RASA1: variants seen among roughly 807,000 people sequenced by gnomAD.
The protein encoded by RASA1 is RAS p21 protein activator 1, also known as ras GTPase-activating protein 1.
RASA1 carries 25 observed loss-of-function variants against 132.2 expected under a neutral mutation model. That is an observed-to-expected ratio of 0.19 (90% CI 0.14 to 0.26). The LOEUF is 0.26. RASA1 is among the 10% of genes least tolerant of loss of function. The pLI is 1.00. For synonymous variants in RASA1, 477 were observed against 449.9 expected (o/e 1.06, Z -0.76); for missense variants, 964 against 1,299.2 (o/e 0.74, Z 3.97).
intron 23 of RASA1, 113 bp from the exon 24 acceptor site, chr5:87,389,280 G>A (rs972491320): frequency 5.7e-6 from 8 of 1,391,936 alleles, no homozygotes; most frequent in African/African-American, 4.3e-5. Flanking sequence ...GCAGTGAGCC[G>A]AGATCATGCC....
chr5:87,282,143 CTG>C (rs1445939655), intron 1 of RASA1, among the ~76,000 whole-genome samples: 2 of 151,784 alleles, frequency 1.3e-5, no homozygotes, highest in African/African-American at 4.8e-5. Flanking sequence ...GAAGGATAGT[CTG>C]TTGTTTTTAT....
chr5:87,352,371 AGT>A (rs1410338061), intron 8 of RASA1, among the ~76,000 whole-genome samples: 1 of 151,630 alleles, frequency 6.6e-6, no homozygotes, highest in African/African-American at 2.4e-5. Flanking sequence ...TGTCTGGAGA[AGT>A]GTTTCCTAGG....
chr5:87,342,706 G>A (rs1381207517), intron 6 of RASA1, among the ~76,000 whole-genome samples: 1 of 152,152 alleles, frequency 6.6e-6, no homozygotes, highest in Non-Finnish European at 1.5e-5. Context: ...GTGGGAAGTA[G>A]AAAACTAGAA....
chr5:87,284,738 TTAA>T (rs1175603460), intron 1 of RASA1, among the ~76,000 whole-genome samples: 1 of 152,192 alleles, frequency 6.6e-6, no homozygotes, highest in Non-Finnish European at 1.5e-5. Flanking sequence ...ATAAATCTGA[TTAA>T]TTTCTCAGGG....
intron 1 of RASA1, among the ~76,000 whole-genome samples, chr5:87,307,462 AAAC>A (rs139386250): frequency 0.61 from 91,602 of 150,950 alleles, 28,112 homozygotes; most frequent in African/African-American, 0.72. Flanking sequence ...CTCTGTCTCA[AAAC>A]AACAACAACA....
intron 1 of RASA1, among the ~76,000 whole-genome samples, chr5:87,292,089 T>C (rs1754933405): frequency 6.6e-6 from 1 of 152,234 alleles, no homozygotes; most frequent in African/African-American, 2.4e-5. Context: ...GATGTGTCTT[T>C]TGAAAATATT....
intron 1 of RASA1, among the ~76,000 whole-genome samples, chr5:87,281,015 T>C (rs571415444): frequency 1.3e-5 from 2 of 152,278 alleles, no homozygotes; most frequent in African/African-American, 4.8e-5. Flanking sequence ...TTTGGGTTGC[T>C]TGCATCTTTT....
At chr5:87,320,150 G>A (rs974931172) in intron 1 of RASA1, among the ~76,000 whole-genome samples, 3 of 152,120 alleles carry the variant, frequency 2.0e-5, no homozygotes, top group African/African-American at 7.2e-5. Context: ...GACCACATCA[G>A]CCTGGATTTT....
At position 87,374,165 on chromosome 5, in the gene RASA1, C is replaced by A; in HGVS notation, c.1779C>A (p.Val593=). 6.9e-7 allele frequency: 1 copy of A among 1,459,564 alleles called. No homozygotes were observed. The highest frequency in any genetic ancestry group is 9.1e-7 in the Non-Finnish European group (1 of 1,100,708). The allele number at this position is 1,459,564 out of a possible 1,614,324, so 90.4% of individuals were successfully genotyped here. A position where few individuals can be genotyped will look rare whatever the true frequency, so the allele number is the denominator to read the frequency against. Residue 593 remains valine (V), a splice_region_variant and synonymous_variant, in exon 14 of 25, where the codon GTC becomes GTA. Transcript: ENST00000274376. The part of the protein sequence containing the change: ...PGTSNKRLRQ[V]SSLVLHIEEA... ...TATATATATTTTTTTTTTTTTAGGTCAGCAGCCTTGTTTTACATATTGAAG... is the reference window on the plus strand; with the variant it reads ...TATATATATTTTTTTTTTTTTAGGTAAGCAGCCTTGTTTTACATATTGAAG...
At chr5:87,281,247 T>C (rs1198413336) in intron 1 of RASA1, among the ~76,000 whole-genome samples, 1 of 151,662 alleles carries the variant, frequency 6.6e-6, no homozygotes, top group Non-Finnish European at 1.5e-5. Flanking sequence ...CCAACACTTT[T>C]TTTTTTTTTT....
rs1345716898 is a variant in RASA1 at position 87,337,856 on chromosome 5, C to CT, written c.900-117dup. On this transcript the variant is annotated intron_variant, in intron 4 of 24. Transcript: ENST00000274376. ...GGATACAAATTTAGGGTGTTTGACT[C>CT]TAATTCCTTACATTTTTCAATATAA... 18 of 1,121,572 alleles carry CT rather than the reference C, an allele frequency of 1.6e-5. No individual in the cohort carries two copies. The African/African-American group carries it at 2.7e-4, about 17-fold the overall frequency. The allele number at this position is 1,121,572 out of a possible 1,614,324, so 69.5% of individuals were successfully genotyped here. A position where few individuals can be genotyped will look rare whatever the true frequency, so the allele number is the denominator to read the frequency against.
At chr5:87,361,450 A>G (rs998411776) in intron 9 of RASA1, among the ~76,000 whole-genome samples, 1 of 152,228 alleles carries the variant, frequency 6.6e-6, no homozygotes, top group Non-Finnish European at 1.5e-5. Flanking sequence ...TAGATTTATA[A>G]GAGGATTGAA....
At chr5:87,320,386 A>G (rs1756697293) in intron 1 of RASA1, among the ~76,000 whole-genome samples, 1 of 152,210 alleles carries the variant, frequency 6.6e-6, no homozygotes, top group African/African-American at 2.4e-5. Flanking sequence ...ATACTGCTAC[A>G]AAGAACTACC....
At chr5:87,387,408 T>A (rs1762137240) in intron 23 of RASA1, among the ~76,000 whole-genome samples, 1 of 151,188 alleles carries the variant, frequency 6.6e-6, no homozygotes, top group Non-Finnish European at 1.5e-5. Flanking sequence ...TAAAATAAAT[T>A]GTGATTACAA....
chr5:87,328,543 C>T (rs1177125726), intron 1 of RASA1, among the ~76,000 whole-genome samples: 1 of 152,086 alleles, frequency 6.6e-6, no homozygotes, highest in Admixed American at 6.5e-5. Context: ...CCAAAGTGTT[C>T]ACTCTTGGGA....
At chr5:87,366,313 A>G (rs1194346490) in intron 11 of RASA1, 6 of 371,836 alleles carry the variant, frequency 1.6e-5, no homozygotes, top group Non-Finnish European at 3.3e-5. Context: ...GATTGAAGAA[A>G]AGCTTTAGCA....
At chr5:87,386,567 A>ACTC (rs774119439) in intron 22 of RASA1, among the ~76,000 whole-genome samples, 1 of 151,570 alleles carries the variant, frequency 6.6e-6, no homozygotes. Context: ...AAATACCCAT[A>ACTC]CTCCTCAGTA....
chr5:87,380,681 T>C, intron 20 of RASA1, 86 bp downstream of exon 20: 1 of 1,242,662 alleles, frequency 8.0e-7, no homozygotes, highest in East Asian at 2.3e-5. Context: ...TACAATTCAA[T>C]GCTTTTTTCT....
chr5:87,320,573 C>A lies in RASA1; in HGVS notation c.540-10775C>A, dbSNP rs1476779231. Among the ~76,000 whole-genome samples, 3 of 152,150 alleles carry A rather than the reference C, an allele frequency of 2.0e-5. No homozygotes were observed. In the East Asian group the frequency reaches 5.8e-4, roughly 29 times the overall value. On this transcript the variant is annotated intron_variant, in intron 1 of 24. Transcript: ENST00000274376. ...GAGAGAGTAAAGTGGGGAAGCGCCA[C>A]ACACTTTTAAACCATCAGATCTTGC...
Sources: gnomAD v4.1 joint callset for allele counts (sites outside exome capture counted in the v4.1 genomes callset) on GRCh38, gnomAD v4.1.1 for gene constraint, MANE v1.5 for transcripts, NCBI Gene and HGNC (gene_info 2026-07-23, HGNC 2026-07-21) for gene names.